Variants in PCDH15 observed in about 807,000 individuals in gnomAD.
The protein encoded by PCDH15 is protocadherin-15.
Under a neutral mutation model 178.5 loss-of-function variants are expected in PCDH15, and 129 were observed. The observed-to-expected ratio is 0.72, with a 90% CI of 0.63 to 0.84. The LOEUF (loss-of-function observed/expected upper bound fraction) is 0.84, where lower values mean the gene tolerates loss of function less well. PCDH15 is among the 40% of genes least tolerant of loss of function. The pLI is 0.00. For synonymous variants in PCDH15, 800 were observed against 732.0 expected, an observed-to-expected ratio of 1.09 and a Z score of -1.50; for missense variants, 2,230 against 2,099.9, an observed-to-expected ratio of 1.06 and a Z score of -1.21.
intron 2 of PCDH15, among the ~76,000 whole-genome samples, chr10:55,568,048 A>C (rs1210785207): frequency 6.6e-6 from 1 of 152,056 alleles, no homozygotes; most frequent in Non-Finnish European, 1.5e-5. Flanking sequence ...TTACCATATG[A>C]TTCTGCAATT....
intron 26 of PCDH15, 50 bp downstream of exon 26, chr10:53,903,193 A>T (rs746022151): frequency 1.2e-6 from 2 of 1,606,090 alleles, no homozygotes; most frequent in South Asian, 2.2e-5. Context: ...GCTTATCTGC[A>T]AAACCTGAGC....
At chr10:54,534,962 C>T (rs1215638211) in intron 2 of PCDH15, among the ~76,000 whole-genome samples, 1 of 152,130 alleles carries the variant, frequency 6.6e-6, no homozygotes, top group African/African-American at 2.4e-5. Flanking sequence ...TCTAAAGTTA[C>T]AGTCAACAAA....
intron 28 of PCDH15, among the ~76,000 whole-genome samples, chr10:53,856,287 G>A (rs988298065): frequency 2.0e-5 from 3 of 151,672 alleles, no homozygotes; most frequent in Non-Finnish European, 4.4e-5. Flanking sequence ...GGGTAATTAA[G>A]GGTAAAATAG....
chr10:53,822,161 G>A lies in PCDH15; in HGVS notation c.4368-1931C>T, dbSNP rs111033445. The A allele has an allele frequency of 2.7e-3, 4,409 of 1,613,934 alleles. 12 individuals are homozygous for A. The highest frequency in any genetic ancestry group is 3.4e-3 in the Non-Finnish European group (4,045 of 1,179,956). ...GTGTCATAGAGGACTTAATTTTCTC[G>A]GCAGGCATCAAGTTGGTCGTGCATT... is the stretch of plus-strand genomic sequence containing the variant. On this transcript the variant is annotated intron_variant, in intron 32 of 37. Coordinates refer to ENST00000644397, the MANE Select transcript of PCDH15 (RefSeq NM_001384140.1).
chr10:54,899,803 T>C (rs1427561364), intron 2 of PCDH15, among the ~76,000 whole-genome samples: 1 of 152,132 alleles, frequency 6.6e-6, no homozygotes, highest in Non-Finnish European at 1.5e-5. Context: ...CCAAAGATTA[T>C]ATCTTTCTAT....
chr10:55,212,559 A>G (rs567838968), intron 1 of PCDH15, among the ~76,000 whole-genome samples: 2 of 152,204 alleles, frequency 1.3e-5, no homozygotes, highest in East Asian at 3.9e-4. Flanking sequence ...TGATAATTTA[A>G]ATAGTTAACA....
At chr10:54,616,828 T>A (rs1459193510) in intron 2 of PCDH15, among the ~76,000 whole-genome samples, 1 of 152,086 alleles carries the variant, frequency 6.6e-6, no homozygotes, top group Non-Finnish European at 1.5e-5. Flanking sequence ...TATATATTCT[T>A]CCTTCTTGTT....
At position 53,806,744 on chromosome 10, in the gene PCDH15, C is replaced by T. The variant is rs370764678; in HGVS notation, c.5058G>A (p.Lys1686=). ...TGCTTTTCAGCCTGTTCCTTAGTGG[C>T]TTCACCGCTGTATTGTCAGTCCCCA... ...CPVGTDNTAV[K]PLRNRLKSTV... is the part of the protein sequence containing the mutation. The change falls in exon 38 of 38, where the codon AAG becomes AAA. Residue 1686 remains lysine (K), a synonymous_variant. Transcript: ENST00000644397. 1.9e-6 allele frequency: 3 copies of T among 1,613,684 alleles called. No individual in the cohort carries two copies. The highest frequency in any genetic ancestry group is 2.7e-5 in the African/African-American group (2 of 74,886).
chr10:53,908,958 A>AT (rs1406729290), intron 25 of PCDH15, among the ~76,000 whole-genome samples: 2 of 152,260 alleles, frequency 1.3e-5, no homozygotes, highest in East Asian at 3.9e-4. Context: ...TTTTAAGACA[A>AT]TTTTTGTTTA....
At chr10:54,880,233 C>G (rs1954236956) in intron 3 of PCDH15, among the ~76,000 whole-genome samples, 1 of 152,112 alleles carries the variant, frequency 6.6e-6, no homozygotes, top group African/African-American at 2.4e-5. Flanking sequence ...CGCTAACTTG[C>G]TAATCAAAAC....
intron 6 of PCDH15, among the ~76,000 whole-genome samples, chr10:54,331,062 G>T (rs374807479): frequency 1.3e-5 from 2 of 151,682 alleles, no homozygotes; most frequent in African/African-American, 4.8e-5. Context: ...AACTGTGTAT[G>T]TGAGAGAGAA....
intron 3 of PCDH15, among the ~76,000 whole-genome samples, chr10:54,815,745 C>T (rs1042002159): frequency 3.9e-5 from 6 of 151,992 alleles, no homozygotes; most frequent in Non-Finnish European, 7.4e-5. Context: ...TTAATATATG[C>T]TATATAGATT....
chr10:55,054,976 G>A (rs561764545), intron 2 of PCDH15, among the ~76,000 whole-genome samples: 1 of 152,116 alleles, frequency 6.6e-6, no homozygotes, highest in Non-Finnish European at 1.5e-5. Context: ...GTCTGTTTAT[G>A]TTGTTGAGAG....
At chr10:54,960,966 G>T (rs1354997607) in intron 2 of PCDH15, among the ~76,000 whole-genome samples, 1 of 152,170 alleles carries the variant, frequency 6.6e-6, no homozygotes. Flanking sequence ...TTAAAAACAG[G>T]CCTATTCTGA....
chr10:55,466,768 A>C (rs1839840117), intron 2 of PCDH15, among the ~76,000 whole-genome samples: 1 of 152,154 alleles, frequency 6.6e-6, no homozygotes, highest in African/African-American at 2.4e-5. Flanking sequence ...AAAAGAAAAC[A>C]GTTCCCATTC....
At chr10:55,036,531 T>C (rs1564737151) in intron 2 of PCDH15, among the ~76,000 whole-genome samples, 1 of 152,052 alleles carries the variant, frequency 6.6e-6, no homozygotes. Context: ...GAGTTTATGG[T>C]CCCGCTCACA....
intron 5 of PCDH15, among the ~76,000 whole-genome samples, chr10:54,357,224 C>T (rs978164835): frequency 7.9e-5 from 12 of 152,086 alleles, no homozygotes; most frequent in African/African-American, 2.9e-4. Context: ...TCAAATTGTC[C>T]CTGTTTGCAG....
At chr10:55,620,774 TA>T (rs761906500) in intron 2 of PCDH15, among the ~76,000 whole-genome samples, 1 of 151,480 alleles carries the variant, frequency 6.6e-6, no homozygotes, top group Non-Finnish European at 1.5e-5. Flanking sequence ...ATTAATATAT[TA>T]TTTTTCAATT....
Position 55,361,654 on chromosome 10 carries a change from T to C in PCDH15, c.-155-195003A>G, listed in dbSNP as rs574893540. Among the ~76,000 whole-genome samples, 6 of 152,128 alleles carry C rather than the reference T, an allele frequency of 3.9e-5. No individual in the cohort carries two copies. In the East Asian group the frequency reaches 7.7e-4, roughly 20 times the overall value. On this transcript the variant is annotated intron_variant, in intron 2 of 5. Coordinates refer to the PCDH15 transcript ENST00000613346. ...TAATGTCTGTGGAAATGAAATGGCATAGAAGATAAAAGAATATAGGAATGA... is the reference window on the plus strand; with the variant it reads ...TAATGTCTGTGGAAATGAAATGGCACAGAAGATAAAAGAATATAGGAATGA...
Sources: gnomAD v4.1 joint callset for allele counts (sites outside exome capture counted in the v4.1 genomes callset) on GRCh38, gnomAD v4.1.1 for gene constraint, MANE v1.5 for transcripts, NCBI Gene and HGNC (gene_info 2026-07-23, HGNC 2026-07-21) for gene names.